Variants in PTPRG observed in about 807,000 individuals in gnomAD.
PTPRG encodes receptor-type tyrosine-protein phosphatase gamma.
PTPRG carries 102 observed loss-of-function variants against 165.3 expected under a neutral mutation model. The ratio of observed to expected loss-of-function variants is 0.62; its 90% CI spans 0.53 to 0.73. The LOEUF (loss-of-function observed/expected upper bound fraction) is 0.73. Among genes scored for constraint, PTPRG ranks in the 30% least tolerant of loss-of-function variants. The pLI is 0.00. For synonymous variants in PTPRG, 675 were observed against 669.5 expected (o/e 1.01, Z -0.13); for missense variants, 1,866 against 1,861.4 (o/e 1.00, Z -0.05).
At chr3:61,748,075 G>A (rs1254569346) in intron 1 of PTPRG, among the ~76,000 whole-genome samples, 1 of 152,196 alleles carries the variant, frequency 6.6e-6, no homozygotes, top group Non-Finnish European at 1.5e-5. Context: ...TTGCTTGGTG[G>A]ATTGAAATGA....
At chr3:62,270,811 G>A (rs1417659027) in intron 20 of PTPRG, among the ~76,000 whole-genome samples, 1 of 152,090 alleles carries the variant, frequency 6.6e-6, no homozygotes, top group Non-Finnish European at 1.5e-5. Context: ...AATGTAAAAA[G>A]TTCAGACACT....
At chr3:61,579,197 G>C (rs1700228959) in intron 1 of PTPRG, among the ~76,000 whole-genome samples, 1 of 152,218 alleles carries the variant, frequency 6.6e-6, no homozygotes, top group African/African-American at 2.4e-5. Flanking sequence ...CTTTGGCCAA[G>C]TTATCTCTTG....
intron 10 of PTPRG, among the ~76,000 whole-genome samples, chr3:62,197,642 C>T (rs915658632): frequency 6.6e-6 from 1 of 152,096 alleles, no homozygotes; most frequent in Non-Finnish European, 1.5e-5. Context: ...CTTGGAACTT[C>T]GGACACATAA....
intron 1 of PTPRG, among the ~76,000 whole-genome samples, chr3:61,702,001 CAG>C (rs2030990293): frequency 6.6e-6 from 1 of 151,842 alleles, no homozygotes; most frequent in African/African-American, 2.4e-5. Flanking sequence ...TTTTTTGAGA[CAG>C]GGTCTCACTC....
Position 62,042,562 on chromosome 3 carries a change from A to T in PTPRG, c.520-35601A>T, listed in dbSNP as rs374965159. Among the ~76,000 whole-genome samples the T allele has an allele frequency of 7.2e-5, 11 of 151,758 alleles. No homozygotes were observed. In the East Asian group the frequency reaches 1.2e-3, roughly 16 times the overall value. ...GAAATTTTCTTCCTCCCGCACCGCC[A>T]CCCTGCATGACCATTTGATATTGTC... On this transcript the variant is annotated intron_variant, in intron 4 of 29. Transcript: ENST00000474889.
intron 1 of PTPRG, among the ~76,000 whole-genome samples, chr3:61,670,551 T>G (rs1021563766): frequency 8.5e-5 from 13 of 152,204 alleles, no homozygotes; most frequent in African/African-American, 3.1e-4. Context: ...CTTGCTTATC[T>G]CTGCTTTCCA....
intron 2 of PTPRG, among the ~76,000 whole-genome samples, chr3:61,887,170 A>ATATTTTTTTTTT (rs60282456): frequency 6.1e-5 from 7 of 115,522 alleles, no homozygotes; most frequent in African/African-American, 2.0e-4. Flanking sequence ...ATATATATAT[A>ATATTTTTTTTTT]TTTTTAATGC....
intron 6 of PTPRG, among the ~76,000 whole-genome samples, chr3:62,136,208 C>T (rs964524495): frequency 6.6e-6 from 1 of 152,116 alleles, no homozygotes; most frequent in Non-Finnish European, 1.5e-5. Context: ...TCTCAGTACA[C>T]CATGAAGCTA....
chr3:61,732,577 C>G (rs181309404), intron 1 of PTPRG, among the ~76,000 whole-genome samples: 1 of 150,560 alleles, frequency 6.6e-6, no homozygotes, highest in South Asian at 2.1e-4. Flanking sequence ...CGCATGATGG[C>G]GAGCACCTGT....
intron 28 of PTPRG, 72 bp from the exon 29 acceptor site, chr3:62,292,349 A>T: frequency 1.4e-6 from 2 of 1,450,576 alleles, no homozygotes; most frequent in Non-Finnish European, 1.9e-6. Flanking sequence ...AAAATACATG[A>T]CAGTAATTTC....
In PTPRG at chr3:61,708,443, C is replaced by CTTTT. The variant is rs61136954; in HGVS notation, c.86-40410_86-40407dup. Among the ~76,000 whole-genome samples the CTTTT allele has an allele frequency of 5.7e-4, 43 of 75,912 alleles. 1 individual carries two copies. The highest frequency in any genetic ancestry group is 1.0e-3 in the African/African-American group (18 of 17,916). The allele number at this position is 75,912 out of a possible 152,430, so 49.8% of individuals were successfully genotyped here. On this transcript the variant is annotated intron_variant, in intron 1 of 29. Coordinates refer to ENST00000474889, the MANE Select transcript of PTPRG (RefSeq NM_002841.4). ...CTAATGAACTGGGCTCTCTGCAAAT[C>CTTTT]TTTTTTTTTTTTTTTTTTTTTTTTT...
chr3:61,833,712 G>C (rs2036376840), intron 2 of PTPRG, among the ~76,000 whole-genome samples: 1 of 151,954 alleles, frequency 6.6e-6, no homozygotes, highest in African/African-American at 2.4e-5. Flanking sequence ...ACAGGTACCC[G>C]CCACCACGCC....
chr3:61,663,999 G>T (rs891262299), intron 1 of PTPRG, among the ~76,000 whole-genome samples: 1 of 152,214 alleles, frequency 6.6e-6, no homozygotes, highest in African/African-American at 2.4e-5. Flanking sequence ...TTACACAGTA[G>T]GCAGGCATGT....
intron 4 of PTPRG, among the ~76,000 whole-genome samples, chr3:62,016,389 A>G (rs1470002957): frequency 6.6e-6 from 1 of 152,028 alleles, no homozygotes; most frequent in Admixed American, 6.6e-5. Flanking sequence ...GCTGGTCTCG[A>G]ACTCCTGACC....
intron 5 of PTPRG, among the ~76,000 whole-genome samples, chr3:62,109,451 T>TG (rs1440978313): frequency 6.6e-6 from 1 of 152,216 alleles, no homozygotes; most frequent in African/African-American, 2.4e-5. Context: ...ACTGTAGTCT[T>TG]GCAGTGTAGT....
intron 4 of PTPRG, among the ~76,000 whole-genome samples, chr3:62,067,380 A>G (rs994817717): frequency 6.6e-6 from 1 of 151,646 alleles, no homozygotes; most frequent in Admixed American, 6.6e-5. Flanking sequence ...TACCTGCTAG[A>G]TCAGTGGTCC....
chr3:62,044,276 C>G (rs778856123), intron 4 of PTPRG, among the ~76,000 whole-genome samples: 1 of 152,214 alleles, frequency 6.6e-6, no homozygotes, highest in East Asian at 1.9e-4. Context: ...TGGTGGCTCA[C>G]GCCTGTAATC....
intron 2 of PTPRG, among the ~76,000 whole-genome samples, chr3:61,849,864 C>T (rs927699142): frequency 7.2e-5 from 11 of 152,248 alleles, no homozygotes; most frequent in East Asian, 1.9e-4. Flanking sequence ...TCTGTTTCTG[C>T]GAAGTCCTGA....
In PTPRG at chr3:61,858,666, T is replaced by G. The variant is rs2037179873; in HGVS notation, c.190+109684T>G. ...TCTATTAGTACTTAAGAAACACTAT[T>G]ATAATAAATATGACTTCTGTTGAAA... On this transcript the variant is annotated intron_variant, in intron 2 of 29. Transcript: ENST00000474889. Among the ~76,000 whole-genome samples the G allele has an allele frequency of 3.3e-5, 5 of 152,192 alleles. No homozygotes were observed. The South Asian group carries it at 1.0e-3, about 31-fold the overall frequency.
Sources: allele counts gnomAD v4.1 joint callset (sites outside exome capture counted in the v4.1 genomes callset), GRCh38; gene constraint gnomAD v4.1.1; transcripts MANE v1.5; gene names NCBI Gene and HGNC (gene_info 2026-07-23, HGNC 2026-07-21).